KLHL22: variants seen among roughly 807,000 people sequenced by gnomAD.
KLHL22 encodes the protein kelch like family member 22, also known as kelch-like protein 22.
In KLHL22, 18 loss-of-function variants were observed where a neutral mutation model predicts 60.7. The ratio of observed to expected loss-of-function variants is 0.30; its 90% CI spans 0.20 to 0.44. KLHL22 has a LOEUF of 0.44. KLHL22 is among the 20% of genes least tolerant of loss of function. KLHL22 has a pLI of 1.00. For missense variants in KLHL22, 596 were observed against 852.3 expected, an observed-to-expected ratio of 0.70 and a Z score of 3.74; for synonymous variants, 355 against 354.5, an observed-to-expected ratio of 1.00 and a Z score of -0.01.
At chr22:20,485,985 G>A (rs1027025683) in intron 2 of KLHL22, among the ~76,000 whole-genome samples, 10 of 151,632 alleles carry the variant, frequency 6.6e-5, no homozygotes, top group African/African-American at 2.4e-4. Context: ...TGGCCAACAT[G>A]GTGAAACCCT....
At chr22:20,483,553 A>C in intron 2 of KLHL22, 1 of 725,594 alleles carries the variant, frequency 1.4e-6, no homozygotes, top group Non-Finnish European at 2.6e-6. Flanking sequence ...CACTTTGCGA[A>C]GCCCATGTAT....
intron 2 of KLHL22, among the ~76,000 whole-genome samples, chr22:20,479,266 A>T (rs1029623816): frequency 1.1e-4 from 16 of 146,838 alleles, no homozygotes; most frequent in Non-Finnish European, 1.8e-4. Context: ...AAAATATATT[A>T]AAAAAAAATT....
chr22:20,476,169 G>C (rs771068246), intron 2 of KLHL22, among the ~76,000 whole-genome samples: 3 of 152,140 alleles, frequency 2.0e-5, no homozygotes, highest in Non-Finnish European at 4.4e-5. Context: ...GCACATATTT[G>C]TTACATTTAT....
chr22:20,473,864 A>C (rs566200121), intron 2 of KLHL22, among the ~76,000 whole-genome samples: 1 of 152,190 alleles, frequency 6.6e-6, no homozygotes, highest in African/African-American at 2.4e-5. Context: ...AACAAGAGTG[A>C]AACTCTGTCA....
chr22:20,489,741 G>T, intron 1 of KLHL22: 5 of 471,198 alleles, frequency 1.1e-5, no homozygotes, highest in South Asian at 7.7e-5. Flanking sequence ...CTTCCTCATA[G>T]TAATGGATGC....
At chr22:20,443,928 GTCC>G (rs1366335444) in intron 6 of KLHL22, among the ~76,000 whole-genome samples, 2 of 151,796 alleles carry the variant, frequency 1.3e-5, no homozygotes, top group African/African-American at 2.4e-5. Context: ...AACACCTGTA[GTCC>G]TCCTAGCTAC....
intron 2 of KLHL22, among the ~76,000 whole-genome samples, 158 bp from the exon 3 acceptor site, chr22:20,471,673 T>C (rs1202637299): frequency 6.6e-6 from 1 of 152,138 alleles, no homozygotes; most frequent in Non-Finnish European, 1.5e-5. Flanking sequence ...TGTGCATGCA[T>C]GAGCCATCCC....
chr22:20,483,720 G>A (rs1159431375), intron 2 of KLHL22: 19 of 736,344 alleles, frequency 2.6e-5, no homozygotes, highest in Non-Finnish European at 4.5e-5. Context: ...TGGTCTTGAA[G>A]TAATGCCTCC....
Position 20,488,285 on chromosome 22 carries a change from T to C in KLHL22, c.227+700A>G, listed in dbSNP as rs943442069. 7.2e-5 allele frequency among the ~76,000 whole-genome samples: 11 copies of C among 152,288 alleles called. No homozygotes were observed. The South Asian group carries it at 1.9e-3, about 26-fold the overall frequency. On this transcript the variant is annotated intron_variant, in intron 2 of 6. Coordinates refer to ENST00000328879, the MANE Select transcript of KLHL22 (RefSeq NM_032775.4). ...GGGACCACGAGTGGCCCTCAGTCCT[T>C]CTCAGGCTCATGCCACCTATGTGAA...
In KLHL22 at chr22:20,495,136, G is replaced by A. The variant is rs114867051; in HGVS notation, c.-34+624C>T. Among the ~76,000 whole-genome samples, 1,528 of 152,320 alleles carry A rather than the reference G, an allele frequency of 0.01. 33 individuals are homozygous for A. Among genetic ancestry groups the A allele is most frequent in the African/African-American group, 0.035 (1,447 of 41,570 alleles). On this transcript the variant is annotated intron_variant, in intron 1 of 6. Coordinates refer to ENST00000328879, the MANE Select transcript of KLHL22 (RefSeq NM_032775.4). This position sits in a 1 kb window ranked among gnomAD's most constrained non-coding sequence, Gnocchi z 4.6. ...AGGGCGCCCAGTGAGGAGCCCAGGC[G>A]GAAGGTGGCGGTGCCCCGCTGCCCG...
At position 20,460,949 on chromosome 22, in the gene KLHL22, A is replaced by G. The variant is rs1208185489; in HGVS notation, c.1113-2949T>C. ...GAGGCATGGCCTTTGGGAGGTGATC[A>G]GGTCATGAGGGTGGAGCCCCATGAT... On this transcript the variant is annotated intron_variant, in intron 4 of 6. Transcript: ENST00000328879. Among the ~76,000 whole-genome samples the G allele has an allele frequency of 2.0e-5, 3 of 152,244 alleles. No individual in the cohort carries two copies. The East Asian group carries it at 5.8e-4, about 29-fold the overall frequency.
intron 2 of KLHL22, chr22:20,488,660 TGA>T: frequency 2.5e-4 from 58 of 234,088 alleles, no homozygotes; most frequent in Admixed American, 4.7e-4. Flanking sequence ...CAATAATTAC[TGA>T]CGGAGGGGAG....
At position 20,465,315 on chromosome 22, in the gene KLHL22, G is replaced by A; in HGVS notation, c.655C>T (p.Leu219Phe). The stretch of plus-strand genomic sequence containing the variant: ...ACCTGCTCCAGGCTATAATGGTAGA[G>A]AAGGGCCCCCTCATATACCTCGGTC... ...CETEVYEGAL[L>F]YHYSLEQVQA... Residue 219 changes from leucine (L) to phenylalanine (F), a missense_variant, in exon 4 of 7, where the codon CTC (leucine) becomes TTC (phenylalanine). By Grantham distance (22) the Leu-to-Phe change is conservative (BLOSUM62 0). Coordinates refer to ENST00000328879, the MANE Select transcript of KLHL22 (RefSeq NM_032775.4). The surrounding 1 kb of genome is among the most constrained non-coding windows in gnomAD (Gnocchi z 4.9). 1 of 1,614,152 alleles carries A rather than the reference G, an allele frequency of 6.2e-7. No individual in the cohort carries two copies. The highest frequency in any genetic ancestry group is 8.5e-7 in the Non-Finnish European group (1 of 1,180,040).
At chr22:20,480,414 T>TC (rs1467957194) in intron 2 of KLHL22, among the ~76,000 whole-genome samples, 5 of 152,136 alleles carry the variant, frequency 3.3e-5, no homozygotes, top group Admixed American at 2.0e-4. Context: ...ATAGAGGACA[T>TC]CGACAGCACG....
At chr22:20,468,085 G>A (rs1041949677) in intron 3 of KLHL22, among the ~76,000 whole-genome samples, 2 of 150,544 alleles carry the variant, frequency 1.3e-5, no homozygotes, top group Non-Finnish European at 3.0e-5. Flanking sequence ...GCAGGTATGT[G>A]CCCTACATGA....
chr22:20,493,146 A>C (rs1601399390), intron 1 of KLHL22: 1 of 471,018 alleles, frequency 2.1e-6, no homozygotes, highest in Non-Finnish European at 4.4e-6. Flanking sequence ...GTGGATCCTC[A>C]CCTTCCGTGA....
Position 20,489,061 on chromosome 22 carries a change from C to G in KLHL22, c.151G>C (p.Asp51His). Residue 51 changes from aspartate (D) to histidine (H), a missense_variant, in exon 2 of 7, where the codon GAT becomes CAT. Transcript: ENST00000328879. ...LALRDSGILF[D>H]VVLVVEGRHI... ...CTGCCCTCCACCACCAGCACAACAT[C>G]GAAGAGGATTCCGCTGTCCCGGAGA... is the stretch of plus-strand genomic sequence containing the variant. 6.2e-7 allele frequency: 1 copy of G among 1,614,058 alleles called. No homozygotes were observed. Among genetic ancestry groups the G allele is most frequent in the Non-Finnish European group, 8.5e-7 (1 of 1,180,030 alleles).
Position 20,464,851 on chromosome 22 carries a change from G to A in KLHL22, c.1112+7C>T, listed in dbSNP as rs747793267. On this transcript the variant is annotated splice_region_variant and intron_variant, in intron 4 of 6. Coordinates refer to ENST00000328879, the MANE Select transcript of KLHL22 (RefSeq NM_032775.4). ...AGACAAAGGGACCAGCTAGCACCCT[G>A]TCCTACCTCCAGCATCGGGACTCTG... The A allele has an allele frequency of 6.6e-7, 1 of 1,505,466 alleles. No individual in the cohort carries two copies. 93.3% of individuals were successfully genotyped at this position (1,505,466 alleles called of 1,614,324 possible).
chr22:20,471,663 T>C (rs2053329211), intron 2 of KLHL22, 148 bp from the exon 3 acceptor site: 1 of 751,830 alleles, frequency 1.3e-6, no homozygotes, highest in African/African-American at 1.8e-5. Context: ...GAGTGAACTG[T>C]GTGCATGCAT....
Sources: gnomAD v4.1 joint callset for allele counts (sites outside exome capture counted in the v4.1 genomes callset) on GRCh38, gnomAD v4.1.1 for gene constraint, Gnocchi (gnomAD v3.1) non-coding constraint, MANE v1.5 for transcripts, NCBI Gene and HGNC (gene_info 2026-07-23, HGNC 2026-07-21) for gene names.